RPUSD3: variants seen among roughly 807,000 people sequenced by gnomAD.
RPUSD3 encodes mitochondrial mRNA pseudouridine synthase RPUSD3.
In RPUSD3, 36 loss-of-function variants were observed where a neutral mutation model predicts 35.1. The observed-to-expected ratio is 1.02, with a 90% CI of 0.79 to 1.35. RPUSD3 has a LOEUF of 1.35. RPUSD3 is among the 40% of genes most tolerant of loss of function. The pLI, the probability that RPUSD3 is intolerant of heterozygous loss-of-function variation, is 0.00. For synonymous variants in RPUSD3, 202 were observed against 187.8 expected (o/e 1.08, Z -0.62); for missense variants, 486 against 441.9 (o/e 1.10, Z -0.89).
chr3:9,839,790 C>T (rs2082076369), intron 7 of RPUSD3: 1 of 166,256 alleles, frequency 6.0e-6, no homozygotes, highest in South Asian at 1.6e-4. Context: ...GTTAGCCTGG[C>T]TGGTTTCGAA....
chr3:9,843,746 G>A (rs916693454), intron 1 of RPUSD3, 144 bp downstream of exon 1: 1 of 1,538,586 alleles, frequency 6.5e-7, no homozygotes, highest in African/African-American at 1.4e-5. Flanking sequence ...AGGTACGACC[G>A]GTCCCATTCT....
exon 7 of RPUSD3, chr3:9,840,262 C>A: frequency 6.2e-7 from 1 of 1,614,204 alleles, no homozygotes; most frequent in Non-Finnish European, 8.5e-7. Flanking sequence ...GTCTTCTTGA[C>A]ACCTTCCAGG....
At chr3:9,841,063 T>G (rs1373320412) in intron 4 of RPUSD3, 2 of 305,480 alleles carry the variant, frequency 6.5e-6, no homozygotes, top group Non-Finnish European at 1.2e-5. Flanking sequence ...GTGCCAGAAT[T>G]CTACTAGAAA....
exon 7 of RPUSD3, chr3:9,840,276 T>G: frequency 6.2e-7 from 1 of 1,614,028 alleles, no homozygotes; most frequent in South Asian, 1.1e-5. Context: ...TTCCAGGATG[T>G]CCTTTCGGGA....
intron 5 of RPUSD3, 26 bp from the exon 6 acceptor site, chr3:9,840,642 C>G (rs978384789): frequency 1.2e-5 from 20 of 1,612,598 alleles, no homozygotes; most frequent in Non-Finnish European, 1.7e-5. Flanking sequence ...GAGGAGGTCA[C>G]AGGGTGGCTT....
chr3:9,838,392 T>C (rs540800496), intron 8 of RPUSD3, among the ~76,000 whole-genome samples, 185 bp from the exon 9 acceptor site: 30 of 152,326 alleles, frequency 2.0e-4, no homozygotes, highest in Admixed American at 1.7e-3. Context: ...CAGCAGAGAC[T>C]GGCTAGGGGG....
rs1282879000 is a variant in RPUSD3, at chr3:9,843,560, G to A, written c.167C>T (p.Pro56Leu). Residue 56 changes from proline to leucine, a missense_variant, in exon 2 of 9, where the codon CCC (proline) becomes CTC (leucine). Transcript: ENST00000383820. ...CCCCGCGAAGGGCTGGTCCCCGAGG[G>A]GCCCCGACCGTTGGCAGGAGCCGCG... 3 of 1,613,804 alleles carry A rather than the reference G, an allele frequency of 1.9e-6. No individual in the cohort carries two copies. The Admixed American group carries it at 5.0e-5, about 27-fold the overall frequency.
exon 7 of RPUSD3, chr3:9,840,195 T>G (rs2082082152): frequency 1.2e-6 from 2 of 1,612,690 alleles, no homozygotes; most frequent in East Asian, 4.5e-5. Context: ...TGTCAGTGGC[T>G]GCAGCTGGAC....
intron 8 of RPUSD3, among the ~76,000 whole-genome samples, chr3:9,838,424 A>G (rs1259445726): frequency 1.3e-5 from 2 of 152,114 alleles, no homozygotes; most frequent in African/African-American, 4.8e-5. Context: ...GTTTCCTCCT[A>G]GGCACACACC....
At chr3:9,839,997 C>T (rs2082079555) in intron 7 of RPUSD3, 187 bp downstream of exon 7, 1 of 595,906 alleles carries the variant, frequency 1.7e-6, no homozygotes, top group Admixed American at 3.3e-5. Context: ...TCTCCTGCCT[C>T]AGCCTCCCGA....
At chr3:9,843,759 A>G in intron 1 of RPUSD3, 131 bp downstream of exon 1, 1 of 1,540,346 alleles carries the variant, frequency 6.5e-7, no homozygotes, top group Non-Finnish European at 8.8e-7. Context: ...CCCATTCTAC[A>G]GCGGAGGGCA....
Position 9,840,489 on chromosome 3 carries a change from C to A in RPUSD3, c.600+43G>T, listed in dbSNP as rs112584192. On this transcript the variant is annotated intron_variant, in intron 6 of 8. Coordinates refer to ENST00000383820, the Ensembl canonical transcript of RPUSD3. ...CCCCTGACTCCTCTCTGTAGGGGTA[C>A]TATATCTAGAAGCACCCCTCCTCTT... 2.2e-4 allele frequency: 346 copies of A among 1,601,706 alleles called. 2 individuals carry two copies. In the African/African-American group the frequency reaches 3.9e-3, roughly 18 times the overall value.
intron 7 of RPUSD3, 112 bp from the exon 8 acceptor site, chr3:9,839,283 A>G: frequency 7.7e-7 from 1 of 1,293,404 alleles, no homozygotes; most frequent in Admixed American, 2.4e-5. Context: ...CTCAGATCAT[A>G]TGTTTCAGTG....
chr3:9,840,739 G>A (rs749153745), exon 5 of RPUSD3: 1 of 1,614,198 alleles, frequency 6.2e-7, no homozygotes, highest in Non-Finnish European at 8.5e-7. Context: ...GTGCATGGGT[G>A]AAGTACTTCT....
At chr3:9,841,509 G>T in intron 4 of RPUSD3, 1 of 158,488 alleles carries the variant, frequency 6.3e-6, no homozygotes, top group Admixed American at 6.3e-5. Flanking sequence ...GTTTTATTTT[G>T]TTTTTTAAGT....
exon 9 of RPUSD3, chr3:9,838,174 G>C (rs2125021513): frequency 6.2e-7 from 1 of 1,612,156 alleles, no homozygotes; most frequent in East Asian, 2.2e-5. Flanking sequence ...GAGGGGGTCA[G>C]GTGGAGGCGT....
chr3:9,838,015 A>C, exon 9 of RPUSD3: 1 of 1,559,088 alleles, frequency 6.4e-7, no homozygotes, highest in Non-Finnish European at 8.7e-7. Context: ...CAGAGGGAGG[A>C]CTATTGTAAG....
At chr3:9,839,280 C>A in intron 7 of RPUSD3, 109 bp from the exon 8 acceptor site, 1 of 1,338,126 alleles carries the variant, frequency 7.5e-7, no homozygotes. Context: ...TTTCTCAGAT[C>A]ATATGTTTCA....
chr3:9,840,791 A>C, exon 5 of RPUSD3: 1 of 1,613,568 alleles, frequency 6.2e-7, no homozygotes, highest in Non-Finnish European at 8.5e-7. Flanking sequence ...GAGGAGTACA[A>C]GCCCAGAGCT....
Sources: gnomAD v4.1 joint callset for allele counts (sites outside exome capture counted in the v4.1 genomes callset) on GRCh38, gnomAD v4.1.1 for gene constraint, MANE v1.5 for transcripts, NCBI Gene and HGNC (gene_info 2026-07-23, HGNC 2026-07-21) for gene names.